GPR158: variants seen among roughly 807,000 people sequenced by gnomAD.
GPR158 encodes the protein G protein-coupled receptor 158, also known as metabotropic glycine receptor.
Under a neutral mutation model 78.2 loss-of-function variants are expected in GPR158, and 30 were observed. The ratio of observed to expected loss-of-function variants is 0.38; its 90% CI spans 0.29 to 0.52. The LOEUF (loss-of-function observed/expected upper bound fraction) is 0.52, where lower values mean the gene tolerates loss of function less well. Ranked by LOEUF, GPR158 falls within the 20% of genes least tolerant of loss-of-function variation. The pLI, the probability that GPR158 is intolerant of heterozygous loss-of-function variation, is 0.83. For synonymous variants in GPR158, 581 were observed against 591.1 expected (o/e 0.98, Z 0.25); for missense variants, 1,463 against 1,523.5 (o/e 0.96, Z 0.66).
Position 25,299,830 on chromosome 10 carries a change from A to C in GPR158, c.1008+78673A>C, listed in dbSNP as rs77351271. Among the ~76,000 whole-genome samples, 1,169 of 151,974 alleles carry C rather than the reference A, an allele frequency of 7.7e-3. 13 individuals are homozygous for C. Among genetic ancestry groups the C allele is most frequent in the African/African-American group, 0.027 (1,120 of 41,464 alleles). On this transcript the variant is annotated intron_variant, in intron 2 of 10. Transcript: ENST00000376351. ...GCATTCTATATCAGTTTTCCTTTTT[A>C]TTTTTATTTTTTTTGAGTCAGAATC...
chr10:25,375,682 C>T (rs1834068407), intron 2 of GPR158, among the ~76,000 whole-genome samples: 2 of 151,510 alleles, frequency 1.3e-5, no homozygotes, highest in African/African-American at 4.8e-5. Flanking sequence ...ATTTGCGCAT[C>T]TGTCAAAAAT....
At chr10:25,384,299 A>C (rs1834193776) in intron 2 of GPR158, among the ~76,000 whole-genome samples, 1 of 152,208 alleles carries the variant, frequency 6.6e-6, no homozygotes, top group Non-Finnish European at 1.5e-5. Flanking sequence ...ATAAGAACTC[A>C]AAAAGTACAG....
intron 2 of GPR158, among the ~76,000 whole-genome samples, chr10:25,241,279 T>TCCTTTCTTTCCTTTCTTTCTTTC (rs1554787189): frequency 0.018 from 1,594 of 86,494 alleles, 119 homozygotes; most frequent in East Asian, 0.059. Context: ...TTCCTTTCTT[T>TCCTTTCTTTCCTTTCTTTCTTTC]CTTTCTTTTC....
At chr10:25,427,886 G>A (rs1266562106) in intron 4 of GPR158, among the ~76,000 whole-genome samples, 5 of 151,982 alleles carry the variant, frequency 3.3e-5, no homozygotes, top group African/African-American at 2.4e-5. Context: ...GTGTAGGGCT[G>A]ATTAGGTAAC....
intron 4 of GPR158, 86 bp downstream of exon 4, chr10:25,412,559 G>A: frequency 2.3e-6 from 2 of 865,494 alleles, no homozygotes; most frequent in Non-Finnish European, 3.8e-6. Context: ...AATTCAAGTT[G>A]CTTCCCTCCT....
intron 2 of GPR158, among the ~76,000 whole-genome samples, chr10:25,254,144 G>A (rs955112368): frequency 2.6e-5 from 4 of 152,136 alleles, no homozygotes; most frequent in African/African-American, 9.7e-5. Context: ...GCTTGTACTT[G>A]GGGCTTTGGC....
At chr10:25,338,210 A>G (rs1855237894) in intron 2 of GPR158, among the ~76,000 whole-genome samples, 1 of 151,070 alleles carries the variant, frequency 6.6e-6, no homozygotes, top group Admixed American at 6.6e-5. Context: ...GATTATAAAT[A>G]TAGTCTTCTC....
chr10:25,312,870 T>C (rs115107813), intron 2 of GPR158, among the ~76,000 whole-genome samples: 1,812 of 152,206 alleles, frequency 0.012, 29 homozygotes, highest in African/African-American at 0.033. Context: ...ATTGCCTTGA[T>C]TAATGCTAAG....
chr10:25,505,797 TC>T, intron 5 of GPR158, among the ~76,000 whole-genome samples: 1 of 152,288 alleles, frequency 6.6e-6, no homozygotes, highest in Non-Finnish European at 1.5e-5. Context: ...AAACACTCCT[TC>T]GTTTTTTTTC....
chr10:25,570,495 C>T (rs1836990556), intron 6 of GPR158, among the ~76,000 whole-genome samples: 1 of 152,098 alleles, frequency 6.6e-6, no homozygotes, highest in South Asian at 2.1e-4. Flanking sequence ...ATCTGAGTGT[C>T]GAATTTTTCT....
chr10:25,281,890 A>G (rs141295564), intron 2 of GPR158, among the ~76,000 whole-genome samples: 110 of 152,350 alleles, frequency 7.2e-4, no homozygotes, highest in African/African-American at 2.4e-3. Flanking sequence ...AAGATCCATT[A>G]CAAGGATACC....
rs186063986 is a variant in GPR158 at position 25,440,574 on chromosome 10, T to G, written c.1336-26077T>G. Among the ~76,000 whole-genome samples the G allele has an allele frequency of 2.6e-5, 4 of 152,350 alleles. No individual in the cohort carries two copies. The East Asian group carries it at 7.7e-4, about 29-fold the overall frequency. ...AAGTTTAAGTTCAACAGAAATAACG[T>G]TCTTACTGACTTTTAAAATCTTGCT... On this transcript the variant is annotated intron_variant, in intron 4 of 10. Transcript: ENST00000376351.
chr10:25,295,486 T>C (rs993332025), intron 2 of GPR158, among the ~76,000 whole-genome samples: 3 of 152,106 alleles, frequency 2.0e-5, no homozygotes, highest in African/African-American at 7.2e-5. Context: ...GGATCTCGGC[T>C]CACTGCAAGC....
chr10:25,570,707 G>A (rs2031978886), intron 6 of GPR158, among the ~76,000 whole-genome samples: 1 of 152,126 alleles, frequency 6.6e-6, no homozygotes, highest in African/African-American at 2.4e-5. Context: ...CTGAGGTCAG[G>A]AGTTCAAGAC....
chr10:25,176,084 T>G lies in GPR158; in HGVS notation c.664T>G (p.Trp222Gly). ...GGCCAACGCCACTCTGGAGACCGAG[T>G]GGTTCCACGGCCTCCGGCGCAAGTG... ...HLANATLETE[W>G]FHGLRRKWRP... is the part of the protein sequence containing the mutation. The change falls in exon 1 of 11, where the codon TGG (tryptophan) becomes GGG (glycine). Residue 222 changes from tryptophan (W) to glycine (G), a missense_variant. Coordinates refer to ENST00000376351, the MANE Select transcript of GPR158 (RefSeq NM_020752.3). The surrounding 1 kb of genome is among the most constrained non-coding windows in gnomAD (Gnocchi z 6.3). 1 of 1,596,582 alleles carries G rather than the reference T, an allele frequency of 6.3e-7. No individual in the cohort carries two copies. Among genetic ancestry groups the G allele is most frequent in the Non-Finnish European group, 8.5e-7 (1 of 1,172,298 alleles).
chr10:25,458,294 A>C (rs1588873734), intron 4 of GPR158, among the ~76,000 whole-genome samples: 1 of 152,238 alleles, frequency 6.6e-6, no homozygotes, highest in African/African-American at 2.4e-5. Flanking sequence ...AAAATTGATT[A>C]GTAAATTTTT....
intron 1 of GPR158, among the ~76,000 whole-genome samples, chr10:25,180,834 C>T (rs1003056577): frequency 4.7e-5 from 7 of 149,306 alleles, no homozygotes; most frequent in East Asian, 2.0e-4. Context: ...GAAGAGGAAA[C>T]CAAGTGAATG....
Position 25,326,989 on chromosome 10 carries a change from C to T in GPR158, c.1009-68922C>T, listed in dbSNP as rs767856695. The stretch of plus-strand genomic sequence containing the variant: ...TAAAGCCATTTTAAGTTAAAAATGC[C>T]GTGTAAGCCAAAAATACACATTTGA... On this transcript the variant is annotated intron_variant, in intron 2 of 10. Transcript: ENST00000376351. Among the ~76,000 whole-genome samples, 56 of 152,110 alleles carry T rather than the reference C, an allele frequency of 3.7e-4. No individual in the cohort carries two copies. In the Middle Eastern group the frequency reaches 0.014, roughly 37 times the overall value.
chr10:25,198,079 G>A (rs1379686528), intron 1 of GPR158, among the ~76,000 whole-genome samples: 1 of 152,170 alleles, frequency 6.6e-6, no homozygotes, highest in African/African-American at 2.4e-5. Context: ...CCTATTATCA[G>A]ATTTTGAACC....
Sources: gnomAD v4.1 joint callset for allele counts (sites outside exome capture counted in the v4.1 genomes callset) on GRCh38, gnomAD v4.1.1 for gene constraint, Gnocchi (gnomAD v3.1) non-coding constraint, MANE v1.5 for transcripts, NCBI Gene and HGNC (gene_info 2026-07-23, HGNC 2026-07-21) for gene names.